The following CDC73 variants were observed in gnomAD, a reference collection of about 807,000 sequenced individuals.
The protein encoded by CDC73 is parafibromin.
A neutral mutation model predicts 83.7 loss-of-function variants in CDC73; 21 were observed. The observed-to-expected ratio is 0.25, with a 90% CI of 0.18 to 0.36. CDC73 has a LOEUF of 0.36. Among genes scored for constraint, CDC73 ranks in the 10% least tolerant of loss-of-function variants. The pLI is 1.00. For missense variants in CDC73, 342 were observed against 653.3 expected (o/e 0.52, Z 5.19); for synonymous variants, 224 against 212.9 (o/e 1.05, Z -0.45).
intron 15 of CDC73, among the ~76,000 whole-genome samples, chr1:193,244,811 C>T (rs1353271005): frequency 6.6e-6 from 1 of 152,044 alleles, no homozygotes; most frequent in Non-Finnish European, 1.5e-5. Context: ...TGTCCTTATT[C>T]TGCCTTATTT....
intron 15 of CDC73, among the ~76,000 whole-genome samples, chr1:193,243,433 T>G (rs1418441146): frequency 6.6e-6 from 1 of 152,212 alleles, no homozygotes; most frequent in African/African-American, 2.4e-5. Context: ...GTATCCTAGC[T>G]TTAAATTTAA....
chr1:193,176,206 G>C (rs1210970069), intron 10 of CDC73, among the ~76,000 whole-genome samples: 1 of 152,172 alleles, frequency 6.6e-6, no homozygotes, highest in African/African-American at 2.4e-5. Flanking sequence ...TTTTGGGGCT[G>C]TGTTGGCCCT....
intron 13 of CDC73, among the ~76,000 whole-genome samples, chr1:193,221,808 G>GT (rs1677475595): frequency 6.6e-6 from 1 of 152,060 alleles, no homozygotes. Flanking sequence ...TCCCTTCATT[G>GT]TTTAACACCT....
Position 193,125,018 on chromosome 1 carries a change from A to G in CDC73, c.132-94A>G, listed in dbSNP as rs139087477. ...TTTTTTTGTTAGCTATGTTAAACTC[A>G]TTGTTGTTAGCAAAGTTGTTTATAT... On this transcript the variant is annotated intron_variant, in intron 1 of 16. Coordinates refer to ENST00000367435, the MANE Select transcript of CDC73 (RefSeq NM_024529.5). The G allele has an allele frequency of 4.2e-3, 3,143 of 742,372 alleles. 62 individuals carry two copies. The African/African-American group carries it at 0.048, about 11-fold the overall frequency. The allele number at this position is 742,372 out of a possible 1,614,324, so 46.0% of individuals were successfully genotyped here. A position where few individuals can be genotyped will look rare whatever the true frequency, so the allele number is the denominator to read the frequency against.
At chr1:193,137,633 A>C (rs1675823710) in intron 5 of CDC73, among the ~76,000 whole-genome samples, 1 of 152,152 alleles carries the variant, frequency 6.6e-6, no homozygotes, top group African/African-American at 2.4e-5. Context: ...GAAAACCTTT[A>C]AGGTTTTCCT....
chr1:193,204,223 ATATG>A (rs1274129776), intron 11 of CDC73, among the ~76,000 whole-genome samples: 11 of 12,748 alleles, frequency 8.6e-4, no homozygotes, highest in Admixed American at 5.3e-3. Flanking sequence ...ATATGTATAT[ATATG>A]TATATATACA....
intron 3 of CDC73, among the ~76,000 whole-genome samples, chr1:193,133,012 C>T (rs1675723756): frequency 6.7e-6 from 1 of 148,434 alleles, no homozygotes; most frequent in African/African-American, 2.5e-5. Context: ...TGCCATTCTT[C>T]TGCCTCAGCC....
chr1:193,164,703 A>G (rs973723139), intron 10 of CDC73, among the ~76,000 whole-genome samples: 1 of 151,956 alleles, frequency 6.6e-6, no homozygotes, highest in Non-Finnish European at 1.5e-5. Flanking sequence ...CACTGCTTAG[A>G]TAGGTTTTGA....
rs375162919 is a variant in CDC73 at position 193,236,395 on chromosome 1, A to G, written c.1417+39A>G. On this transcript the variant is annotated intron_variant, in intron 15 of 16. Transcript: ENST00000367435. The stretch of plus-strand genomic sequence containing the variant: ...TGTATTTACTGTATCCAGTATAGAA[A>G]TGTTCTCACTTTATTTAAGAGAAAC... 27 of 1,237,312 alleles carry G rather than the reference A, an allele frequency of 2.2e-5. No individual in the cohort carries two copies. In the African/African-American group the frequency reaches 3.2e-4, roughly 15 times the overall value. 76.6% of individuals were successfully genotyped at this position (1,237,312 alleles called of 1,614,324 possible). A position where few individuals can be genotyped will look rare whatever the true frequency, so the allele number is the denominator to read the frequency against.
intron 10 of CDC73, among the ~76,000 whole-genome samples, chr1:193,194,112 A>G (rs1035345343): frequency 2.0e-5 from 3 of 152,134 alleles, no homozygotes; most frequent in African/African-American, 4.8e-5. Context: ...TATATGGTAT[A>G]CCATTCTTCT....
intron 13 of CDC73, among the ~76,000 whole-genome samples, chr1:193,219,570 A>G (rs1677429859): frequency 6.6e-6 from 1 of 152,210 alleles, no homozygotes; most frequent in African/African-American, 2.4e-5. Context: ...CATAAAAAAC[A>G]AAACCATGTC....
rs1678035151 is a variant in CDC73, at chr1:193,251,004, T to C, written c.*292T>C. Reference sequence around the variant, plus strand: ...TGTTTCTTTAGAAAATAAATGCAGGTTATAAATGTGTGTATATTTAGAGAT... The same window carrying C: ...TGTTTCTTTAGAAAATAAATGCAGGCTATAAATGTGTGTATATTTAGAGAT... On this transcript the variant is annotated 3_prime_UTR_variant, in exon 17 of 17. Transcript: ENST00000367435. 7.1e-6 allele frequency: 3 copies of C among 423,418 alleles called. No individual in the cohort carries two copies. The highest frequency in any genetic ancestry group is 7.6e-5 in the Admixed American group (2 of 26,330). The allele number at this position is 423,418 out of a possible 1,614,324, so 26.2% of individuals were successfully genotyped here. A position where few individuals can be genotyped will look rare whatever the true frequency, so the allele number is the denominator to read the frequency against.
At chr1:193,234,242 A>G (rs777890678) in intron 14 of CDC73, among the ~76,000 whole-genome samples, 1 of 28,148 alleles carries the variant, frequency 3.6e-5, no homozygotes, top group Non-Finnish European at 8.0e-5. Flanking sequence ...TAAAATTTAT[A>G]TATTTATTTA....
At chr1:193,166,658 T>C (rs1054618170) in intron 10 of CDC73, among the ~76,000 whole-genome samples, 1 of 151,788 alleles carries the variant, frequency 6.6e-6, no homozygotes, top group Non-Finnish European at 1.5e-5. Flanking sequence ...TTTCTTTTTT[T>C]TTTTTTTTGA....
chr1:193,166,481 C>T (rs1676436368), intron 10 of CDC73, among the ~76,000 whole-genome samples: 1 of 152,038 alleles, frequency 6.6e-6, no homozygotes, highest in Non-Finnish European at 1.5e-5. Flanking sequence ...TTTTAGTCTA[C>T]AGTGATTTAA....
intron 6 of CDC73, 43 bp from the exon 7 acceptor site, chr1:193,141,807 A>G (rs1433224270): frequency 2.5e-6 from 3 of 1,219,648 alleles, no homozygotes; most frequent in Middle Eastern, 1.9e-4. Context: ...GATACACTCC[A>G]GGAATGCCTG....
intron 13 of CDC73, among the ~76,000 whole-genome samples, chr1:193,222,426 C>T (rs1016582546): frequency 6.6e-6 from 1 of 152,106 alleles, no homozygotes; most frequent in African/African-American, 2.4e-5. Flanking sequence ...TACTTGTTCC[C>T]AACAGCCCCA....
chr1:193,143,088 A>G (rs1283480731), intron 7 of CDC73, among the ~76,000 whole-genome samples: 1 of 152,180 alleles, frequency 6.6e-6, no homozygotes, highest in Non-Finnish European at 1.5e-5. Flanking sequence ...TTAGTCTTAA[A>G]TTTACATTGC....
chr1:193,191,944 A>G (rs117975100), intron 10 of CDC73, among the ~76,000 whole-genome samples: 1 of 152,332 alleles, frequency 6.6e-6, no homozygotes, highest in East Asian at 1.9e-4. Flanking sequence ...CATTCTCTGC[A>G]AACCCAGCAT....
Sources: gnomAD v4.1 joint callset for allele counts (sites outside exome capture counted in the v4.1 genomes callset) on GRCh38, gnomAD v4.1.1 for gene constraint, MANE v1.5 for transcripts, NCBI Gene and HGNC (gene_info 2026-07-23, HGNC 2026-07-21) for gene names.